PRDM1: variants seen among roughly 807,000 people sequenced by gnomAD.
PRDM1 encodes PR domain zinc finger protein 1.
A neutral mutation model predicts 62.8 loss-of-function variants in PRDM1; 13 were observed. The ratio of observed to expected loss-of-function variants is 0.21; its 90% CI spans 0.13 to 0.33. The LOEUF (loss-of-function observed/expected upper bound fraction) is 0.33. PRDM1 is among the 10% of genes least tolerant of loss of function. The pLI, the probability that PRDM1 is intolerant of heterozygous loss-of-function variation, is 1.00. For missense variants in PRDM1, 895 were observed against 1,058.8 expected, an observed-to-expected ratio of 0.85 and a Z score of 2.15; for synonymous variants, 396 against 417.6, an observed-to-expected ratio of 0.95 and a Z score of 0.63.
In PRDM1 at chr6:106,107,399, AC is replaced by A; in HGVS notation, c.2395del (p.Leu799SerfsTer2). 5 of 1,614,120 alleles carry A rather than the reference AC, an allele frequency of 3.1e-6. No homozygotes were observed. Reference protein sequence around the residue: ...GCSLYESSDLPLMKLPPSNPL... With the variant: ...GCSLYESSDLXLMKLPPSNPL... ...GCAGCCTTTATGAGTCATCAGATCT[AC>A]CCCTCATGAAGTTGCCTCCCAGCAA... On this transcript the variant is annotated frameshift_variant, in exon 7 of 7. Coordinates refer to ENST00000369096, the MANE Select transcript of PRDM1 (RefSeq NM_001198.4). LOFTEE classifies it high-confidence loss of function.
At chr6:106,081,975 T>C (rs1254236073), upstream of PRDM1, among the ~76,000 whole-genome samples, 1 of 152,154 alleles carries the variant, frequency 6.6e-6, no homozygotes, top group African/African-American at 2.4e-5. Context: ...TCCCTTTATT[T>C]CCACCTTGAG....
At position 106,105,377 on chromosome 6, in the gene PRDM1, A is replaced by G. The variant is rs1334641179; in HGVS notation, c.1217A>G (p.Tyr406Cys). 1.2e-6 allele frequency: 2 copies of G among 1,613,972 alleles called. No individual in the cohort carries two copies. Among genetic ancestry groups the G allele is most frequent in the East Asian group, 2.2e-5 (1 of 44,868 alleles). Residue 406 changes from tyrosine to cysteine, a missense_variant, in exon 5 of 7, where the codon TAC (tyrosine) becomes TGC (cysteine). Around this residue, in one of 4 missense-constraint regions of PRDM1, gnomAD observed 444 missense variants for 422.7 expected, o/e 1.05. Coordinates refer to ENST00000369096, the MANE Select transcript of PRDM1 (RefSeq NM_001198.4). ...PHLPPAFIPS[Y>C]NAHYPKFLLP... ...CTCCCGCCAGCTTTCATCCCCTCGT[A>G]CAACGCTCACTACCCCAAGTTCCTC...
At chr6:106,045,747 GA>G (rs1201924123), upstream of PRDM1, 1 of 152,200 alleles carries the variant, frequency 6.6e-6, no homozygotes, top group Non-Finnish European at 1.5e-5. Context: ...AGAGAGGTAA[GA>G]ATATCTTTGT....
chr6:106,049,309 G>C (rs1216627485), intron 1 of PRDM1, among the ~76,000 whole-genome samples: 1 of 152,200 alleles, frequency 6.6e-6, no homozygotes, highest in Admixed American at 6.5e-5. Context: ...GTTGAAATCT[G>C]TAACTTCCTT....
chr6:106,006,454 C>G (rs1772484930), intron 1 of PRDM1, among the ~76,000 whole-genome samples: 1 of 148,400 alleles, frequency 6.7e-6, no homozygotes, highest in South Asian at 2.2e-4. Flanking sequence ...AACCTAAACT[C>G]TACATTGAAG....
intron 1 of PRDM1, among the ~76,000 whole-genome samples, chr6:106,058,943 C>T (rs1007931661): frequency 5.9e-5 from 9 of 152,162 alleles, no homozygotes; most frequent in African/African-American, 2.2e-4. Flanking sequence ...TTAAAGATCA[C>T]TCGATGAACC....
At chr6:106,016,467 G>A (rs1344548559) in intron 1 of PRDM1, among the ~76,000 whole-genome samples, 1 of 151,918 alleles carries the variant, frequency 6.6e-6, no homozygotes, top group African/African-American at 2.4e-5. Flanking sequence ...CTGGGTACCC[G>A]CAGATTAACA....
chr6:106,008,979 C>A (rs950532934), intron 1 of PRDM1, among the ~76,000 whole-genome samples: 9 of 152,168 alleles, frequency 5.9e-5, no homozygotes, highest in African/African-American at 1.2e-4. Context: ...AGGTCCATGG[C>A]CAGGCATTGT....
chr6:106,034,538 G>C (rs1313238560), intron 1 of PRDM1, among the ~76,000 whole-genome samples: 3 of 148,632 alleles, frequency 2.0e-5, no homozygotes, highest in African/African-American at 7.4e-5. Context: ...CTACAAATTT[G>C]TTCATTTTCT....
intron 4 of PRDM1, 27 bp downstream of exon 4, chr6:106,099,579 A>T (rs773616901): frequency 1.9e-6 from 3 of 1,610,590 alleles, no homozygotes; most frequent in Non-Finnish European, 2.5e-6. Context: ...ACAAAAAAAT[A>T]AAAAATGCCA....
intron 1 of PRDM1, among the ~76,000 whole-genome samples, chr6:106,026,200 C>G (rs1035918381): frequency 6.6e-6 from 1 of 152,200 alleles, no homozygotes; most frequent in African/African-American, 2.4e-5. Context: ...AGAAAATGGC[C>G]GGGTGCAGTG....
chr6:106,086,730 T>G, intron 1 of PRDM1, 135 bp downstream of exon 1: 1 of 724,110 alleles, frequency 1.4e-6, no homozygotes, highest in Non-Finnish European at 2.2e-6. Context: ...TTAGTGCACT[T>G]AGTGCTGTCA....
chr6:106,050,185 A>G (rs1039555089), intron 1 of PRDM1, among the ~76,000 whole-genome samples: 1 of 152,188 alleles, frequency 6.6e-6, no homozygotes, highest in African/African-American at 2.4e-5. Flanking sequence ...CCTTGGATCC[A>G]TAGGCTGCTT....
intron 1 of PRDM1, among the ~76,000 whole-genome samples, chr6:106,078,496 G>A (rs1291097812): frequency 6.6e-6 from 1 of 152,230 alleles, no homozygotes; most frequent in Non-Finnish European, 1.5e-5. Context: ...GAGCAGGATA[G>A]CAGCCAGATG....
In PRDM1 at chr6:106,105,421, A is replaced by C; in HGVS notation, c.1261A>C (p.Asn421His). Residue 421 changes from asparagine to histidine, a missense_variant, in exon 5 of 7, where the codon AAT becomes CAT. Asn to His is a moderately conservative substitution (Grantham distance 68). Transcript: ENST00000369096. ...PKFLLPPYGM[N>H]CNGLSAVSSM... is the part of the protein sequence containing the mutation. ...GTTCCTCTTGCCCCCCTACGGCATG[A>C]ATTGTAATGGCCTGAGCGCTGTGAG... is the stretch of plus-strand genomic sequence containing the variant. 1 of 1,614,128 alleles carries C rather than the reference A, an allele frequency of 6.2e-7. No homozygotes were observed. The highest frequency in any genetic ancestry group is 2.2e-5 in the East Asian group (1 of 44,876).
At chr6:106,101,284 CA>C (rs910416980) in intron 4 of PRDM1, among the ~76,000 whole-genome samples, 13 of 151,894 alleles carry the variant, frequency 8.6e-5, no homozygotes, top group African/African-American at 3.1e-4. Context: ...GACTTTGCAC[CA>C]ACCACCAAGA....
intron 1 of PRDM1, among the ~76,000 whole-genome samples, chr6:106,058,813 G>A (rs1196034705): frequency 1.3e-5 from 2 of 152,068 alleles, no homozygotes; most frequent in Non-Finnish European, 2.9e-5. Flanking sequence ...CAGGTGATCC[G>A]CCTGCCTCAG....
Position 106,109,182 on chromosome 6 carries a change from C to G in PRDM1, c.*1696C>G. On this transcript the variant is annotated 3_prime_UTR_variant, in exon 7 of 7. Transcript: ENST00000369096. ...CAATCACGTCGGTATGATTGGGCAC[C>G]CTTGCCTACTGTAAGAGACCCTAAA... is the stretch of plus-strand genomic sequence containing the variant. 4.4e-6 allele frequency: 1 copy of G among 227,458 alleles called. No individual in the cohort carries two copies. Among genetic ancestry groups the G allele is most frequent in the Non-Finnish European group, 8.8e-6 (1 of 114,222 alleles). 14.1% of individuals were successfully genotyped at this position (227,458 alleles called of 1,614,324 possible).
intron 3 of PRDM1, among the ~76,000 whole-genome samples, chr6:106,097,181 G>A (rs533517317): frequency 1.3e-5 from 2 of 152,270 alleles, no homozygotes; most frequent in East Asian, 3.9e-4. Flanking sequence ...AACCATGAGT[G>A]CATTTTTGCC....
Sources: allele counts gnomAD v4.1 joint callset (sites outside exome capture counted in the v4.1 genomes callset), GRCh38; gene constraint gnomAD v4.1.1; regional missense constraint gnomAD v4.1.1; transcripts MANE v1.5; gene names NCBI Gene and HGNC (gene_info 2026-07-23, HGNC 2026-07-21).